ZNRF3: variants seen among roughly 807,000 people sequenced by gnomAD.
ZNRF3 encodes zinc and ring finger 3, also known as E3 ubiquitin-protein ligase ZNRF3.
ZNRF3 carries 23 observed loss-of-function variants against 72.5 expected under a neutral mutation model. The observed-to-expected ratio is 0.32, with a 90% CI of 0.23 to 0.45. The LOEUF (loss-of-function observed/expected upper bound fraction) is 0.45, where lower values mean the gene tolerates loss of function less well. ZNRF3 is among the 20% of genes least tolerant of loss of function. ZNRF3 has a pLI of 1.00. For missense variants in ZNRF3, 1,169 were observed against 1,272.1 expected (o/e 0.92, Z 1.23); for synonymous variants, 610 against 545.3 (o/e 1.12, Z -1.65).
At chr22:28,948,570 G>A (rs1418122924) in intron 1 of ZNRF3, among the ~76,000 whole-genome samples, 2 of 152,204 alleles carry the variant, frequency 1.3e-5, no homozygotes, top group African/African-American at 4.8e-5. Context: ...TTGGATTCTT[G>A]CATCCACTTC....
intron 1 of ZNRF3, among the ~76,000 whole-genome samples, chr22:28,909,959 T>C (rs1426680346): frequency 6.6e-6 from 1 of 151,882 alleles, no homozygotes; most frequent in Non-Finnish European, 1.5e-5. Context: ...AGGCTGGTCT[T>C]GAACTTCTGG....
At position 29,002,504 on chromosome 22, in the gene ZNRF3, G is replaced by A. The variant is rs116670541; in HGVS notation, c.426+15303G>A. On this transcript the variant is annotated intron_variant, in intron 2 of 8. Transcript: ENST00000544604. ...TCAGTAAGCTTCCCACCCCTGCTGCGCTTTCGGTGTGTTTGAAAAGAGAAC... is the reference window on the plus strand; with the variant it reads ...TCAGTAAGCTTCCCACCCCTGCTGCACTTTCGGTGTGTTTGAAAAGAGAAC... Among the ~76,000 whole-genome samples, 260 of 152,262 alleles carry A rather than the reference G, an allele frequency of 1.7e-3. 3 individuals carry two copies. Among genetic ancestry groups the A allele is most frequent in the African/African-American group, 6.0e-3 (248 of 41,544 alleles).
intron 2 of ZNRF3, chr22:29,031,515 T>G (rs1019162681): frequency 1.1e-6 from 1 of 912,730 alleles, no homozygotes. Flanking sequence ...ATGTCCTGTG[T>G]CATGCAGTGA....
At chr22:28,978,268 G>C (rs987732143) in intron 1 of ZNRF3, among the ~76,000 whole-genome samples, 4 of 152,170 alleles carry the variant, frequency 2.6e-5, no homozygotes, top group Non-Finnish European at 5.9e-5. Context: ...GAGCTTCTCA[G>C]AACAATCACC....
At position 28,958,906 on chromosome 22, in the gene ZNRF3, T is replaced by C. The variant is rs372078706; in HGVS notation, c.301-28170T>C. On this transcript the variant is annotated intron_variant, in intron 1 of 8. Transcript: ENST00000544604. ...TTACAGCAAAGATTAAATGGTACTC[T>C]GGAGGCTTGGCAAGATGAGACTCAC... Among the ~76,000 whole-genome samples, 92 of 152,360 alleles carry C rather than the reference T, an allele frequency of 6.0e-4. 3 individuals carry two copies. The South Asian group carries it at 0.011, about 18-fold the overall frequency.
rs73881196 is a variant in ZNRF3, at chr22:28,937,170, T to A, written c.301-49906T>A. 4.9e-3 allele frequency among the ~76,000 whole-genome samples: 620 copies of A among 127,178 alleles called. 16 individuals are homozygous for A. Among genetic ancestry groups the A allele is most frequent in the African/African-American group, 0.021 (599 of 29,166 alleles). 83.4% of individuals were successfully genotyped at this position (127,178 alleles called of 152,430 possible). ...AATCCGCTGCCAACCTACTTCTCTCTTATAATATATATATATATATATATA... is the reference window on the plus strand; with the variant it reads ...AATCCGCTGCCAACCTACTTCTCTCATATAATATATATATATATATATATA... On this transcript the variant is annotated intron_variant, in intron 1 of 8. Transcript: ENST00000544604.
chr22:28,891,232 C>G (rs550838598), intron 1 of ZNRF3, among the ~76,000 whole-genome samples: 2 of 152,164 alleles, frequency 1.3e-5, no homozygotes, highest in South Asian at 2.1e-4. Context: ...TAGAGATGAC[C>G]CAGGATTAAT....
chr22:29,037,347 G>T (rs1315464167), intron 2 of ZNRF3, among the ~76,000 whole-genome samples: 2 of 152,192 alleles, frequency 1.3e-5, no homozygotes, highest in African/African-American at 4.8e-5. Flanking sequence ...CCACAAAGTG[G>T]TGATGGGACA....
At chr22:28,907,335 C>T (rs551969268) in intron 1 of ZNRF3, among the ~76,000 whole-genome samples, 42 of 152,246 alleles carry the variant, frequency 2.8e-4, no homozygotes, top group Non-Finnish European at 4.9e-4. Context: ...TGCCAAATGG[C>T]ACAGCCACAC....
chr22:28,982,433 CAAAAAAAAA>C (rs61589852), intron 1 of ZNRF3, among the ~76,000 whole-genome samples: 3 of 76,532 alleles, frequency 3.9e-5, no homozygotes, highest in Admixed American at 1.4e-4. Flanking sequence ...CCTGTCTCTA[CAAAAAAAAA>C]AAAAAAAAAA....
At chr22:29,021,960 C>T (rs1362503624) in intron 2 of ZNRF3, among the ~76,000 whole-genome samples, 1 of 152,040 alleles carries the variant, frequency 6.6e-6, no homozygotes, top group Non-Finnish European at 1.5e-5. Flanking sequence ...TGTCACTCCC[C>T]CCACATTCCC....
At chr22:29,027,842 C>T (rs2036670913) in intron 2 of ZNRF3, among the ~76,000 whole-genome samples, 1 of 152,118 alleles carries the variant, frequency 6.6e-6, no homozygotes, top group Non-Finnish European at 1.5e-5. Flanking sequence ...GTGAGATACC[C>T]CCTTTTCTTC....
chr22:29,044,518 G>T (rs1167133315), intron 4 of ZNRF3, among the ~76,000 whole-genome samples: 1 of 152,148 alleles, frequency 6.6e-6, no homozygotes, highest in Non-Finnish European at 1.5e-5. Context: ...TATTCCACAG[G>T]CTTTACCAAC....
chr22:28,901,328 GA>G (rs752455292), intron 1 of ZNRF3, among the ~76,000 whole-genome samples: 9 of 152,120 alleles, frequency 5.9e-5, no homozygotes, highest in Non-Finnish European at 1.3e-4. Flanking sequence ...CCAACGCCCA[GA>G]AGGCACTCTT....
At chr22:28,898,926 GTTTTTTTT>G (rs34713478) in intron 1 of ZNRF3, among the ~76,000 whole-genome samples, 2 of 114,066 alleles carry the variant, frequency 1.8e-5, no homozygotes, top group Non-Finnish European at 3.6e-5. Context: ...ACATGCTGAG[GTTTTTTTT>G]TTTTTTTTTT....
intron 1 of ZNRF3, among the ~76,000 whole-genome samples, chr22:28,981,061 G>C (rs2035755005): frequency 6.6e-6 from 1 of 152,230 alleles, no homozygotes; most frequent in Non-Finnish European, 1.5e-5. Flanking sequence ...AAGTTAACAT[G>C]CTTAACACCA....
At chr22:28,964,282 T>C (rs916018284) in intron 1 of ZNRF3, among the ~76,000 whole-genome samples, 2 of 152,170 alleles carry the variant, frequency 1.3e-5, no homozygotes, top group Admixed American at 1.3e-4. Context: ...CACAAAAAAG[T>C]ATATTCAGTG....
chr22:29,010,284 C>T (rs1447647026), intron 2 of ZNRF3, among the ~76,000 whole-genome samples: 1 of 152,154 alleles, frequency 6.6e-6, no homozygotes, highest in Non-Finnish European at 1.5e-5. Flanking sequence ...CCCTGGCAAC[C>T]ACCATTCCAC....
chr22:28,926,278 G>A (rs1281180592), intron 1 of ZNRF3, among the ~76,000 whole-genome samples: 3 of 152,152 alleles, frequency 2.0e-5, no homozygotes, highest in African/African-American at 4.8e-5. Flanking sequence ...AAGCCAGCTG[G>A]GTGGGACTTC....
Sources: allele counts gnomAD v4.1 joint callset (sites outside exome capture counted in the v4.1 genomes callset), GRCh38; gene constraint gnomAD v4.1.1; transcripts MANE v1.5; gene names NCBI Gene and HGNC (gene_info 2026-07-23, HGNC 2026-07-21).